ATRNL1: variants seen among roughly 807,000 people sequenced by gnomAD.
ATRNL1 encodes attractin-like protein 1.
A neutral mutation model predicts 182.7 loss-of-function variants in ATRNL1; 95 were observed. The ratio of observed to expected loss-of-function variants is 0.52; its 90% CI spans 0.44 to 0.62. The LOEUF (loss-of-function observed/expected upper bound fraction) is 0.62. ATRNL1 is among the 20% of genes least tolerant of loss of function. The pLI is 0.00. For missense variants in ATRNL1, 1,471 were observed against 1,679.5 expected, an observed-to-expected ratio of 0.88 and a Z score of 2.17; for synonymous variants, 576 against 568.3, an observed-to-expected ratio of 1.01 and a Z score of -0.19.
At chr10:115,209,681 A>T (rs1848945669) in intron 8 of ATRNL1, among the ~76,000 whole-genome samples, 1 of 151,882 alleles carries the variant, frequency 6.6e-6, no homozygotes, top group African/African-American at 2.4e-5. Context: ...AATTGAAAAA[A>T]AATTCACGCA....
intron 5 of ATRNL1, among the ~76,000 whole-genome samples, chr10:115,151,404 G>C (rs1387840469): frequency 6.6e-6 from 1 of 152,122 alleles, no homozygotes; most frequent in East Asian, 1.9e-4. Context: ...ACTTTTTAAT[G>C]ATCGCCATTC....
intron 15 of ATRNL1, among the ~76,000 whole-genome samples, chr10:115,297,247 G>C (rs997483137): frequency 6.6e-6 from 1 of 152,174 alleles, no homozygotes; most frequent in African/African-American, 2.4e-5. Flanking sequence ...AGGTGTATTT[G>C]TAAAGTATTA....
At chr10:115,521,401 C>T (rs2133707537) in intron 25 of ATRNL1, among the ~76,000 whole-genome samples, 1 of 152,216 alleles carries the variant, frequency 6.6e-6, no homozygotes, top group Middle Eastern at 3.4e-3. Flanking sequence ...GATCTGCCCA[C>T]CTCGGCCTCC....
intron 28 of ATRNL1, among the ~76,000 whole-genome samples, chr10:115,861,864 G>T (rs782272199): frequency 6.6e-6 from 1 of 152,050 alleles, no homozygotes; most frequent in African/African-American, 2.4e-5. Flanking sequence ...AGTGCTTTGA[G>T]AGGCCAAGGT....
chr10:115,133,357 G>A (rs368832925), intron 5 of ATRNL1, among the ~76,000 whole-genome samples: 32 of 151,692 alleles, frequency 2.1e-4, no homozygotes, highest in African/African-American at 3.9e-4. Flanking sequence ...GTTTGAAGTC[G>A]GGTAGCAAAT....
chr10:115,578,532 A>T (rs1854868793), intron 26 of ATRNL1, among the ~76,000 whole-genome samples: 1 of 151,558 alleles, frequency 6.6e-6, no homozygotes, highest in Non-Finnish European at 1.5e-5. Context: ...ATTTCTTGGC[A>T]TGTAATTGTT....
chr10:115,148,877 G>A lies in ATRNL1; in HGVS notation c.830-11163G>A, dbSNP rs1592168709. ...TGATTCTCCTGTCTCAGCCTCCTGA[G>A]TAGCTGGGACTACAGGTGTGCGCCA... On this transcript the variant is annotated intron_variant, in intron 5 of 28. Transcript: ENST00000355044. Among the ~76,000 whole-genome samples, 10 of 151,682 alleles carry A rather than the reference G, an allele frequency of 6.6e-5. 3 individuals are homozygous for A. Among genetic ancestry groups the A allele is most frequent in the Admixed American group, 6.6e-4 (10 of 15,228 alleles).
In ATRNL1 at chr10:115,852,059, G is replaced by A. The variant is rs1589604840; in HGVS notation, c.4018+4068G>A. Among the ~76,000 whole-genome samples, 4 of 152,266 alleles carry A rather than the reference G, an allele frequency of 2.6e-5. No homozygotes were observed. The East Asian group carries it at 5.8e-4, about 22-fold the overall frequency. On this transcript the variant is annotated intron_variant, in intron 28 of 28. Coordinates refer to ENST00000355044, the MANE Select transcript of ATRNL1 (RefSeq NM_207303.4). ...ATAATGATTGCTGTCACTTTGTGATGGAAGATTATGGATTTCATAATTTGT... is the reference window on the plus strand; with the variant it reads ...ATAATGATTGCTGTCACTTTGTGATAGAAGATTATGGATTTCATAATTTGT...
chr10:115,539,740 G>A (rs1476238152), intron 25 of ATRNL1, among the ~76,000 whole-genome samples: 4 of 152,170 alleles, frequency 2.6e-5, no homozygotes, highest in Admixed American at 6.5e-5. Context: ...CTCACAGTGG[G>A]AAGCAGTAAG....
intron 26 of ATRNL1, among the ~76,000 whole-genome samples, chr10:115,563,594 A>T (rs928974796): frequency 6.6e-6 from 1 of 152,178 alleles, no homozygotes; most frequent in African/African-American, 2.4e-5. Context: ...ATTTAAGGAA[A>T]AAAAAGCTTT....
chr10:115,297,925 T>C (rs1236485365), intron 15 of ATRNL1, among the ~76,000 whole-genome samples: 1 of 152,174 alleles, frequency 6.6e-6, no homozygotes, highest in Non-Finnish European at 1.5e-5. Flanking sequence ...TAAATAATAA[T>C]GATTGAACTA....
chr10:115,411,266 A>C (rs1329312695), intron 20 of ATRNL1, among the ~76,000 whole-genome samples: 1 of 150,532 alleles, frequency 6.6e-6, no homozygotes, highest in African/African-American at 2.4e-5. Flanking sequence ...TATTTAAATA[A>C]ATTAAATATT....
chr10:115,168,090 A>G (rs1337102441), intron 7 of ATRNL1, among the ~76,000 whole-genome samples: 3 of 152,134 alleles, frequency 2.0e-5, no homozygotes, highest in Non-Finnish European at 4.4e-5. Context: ...TATACTATGT[A>G]TGTTATGACT....
chr10:115,561,690 G>GT (rs1853734733), intron 26 of ATRNL1, among the ~76,000 whole-genome samples: 3 of 50,444 alleles, frequency 5.9e-5, no homozygotes, highest in African/African-American at 1.4e-4. Flanking sequence ...TGTGTGTGTG[G>GT]GTGTGTGTGT....
intron 28 of ATRNL1, among the ~76,000 whole-genome samples, chr10:115,907,912 A>G (rs953964884): frequency 6.6e-6 from 1 of 152,192 alleles, no homozygotes; most frequent in Non-Finnish European, 1.5e-5. Context: ...CACACTAGCT[A>G]TACTGAATAA....
intron 8 of ATRNL1, among the ~76,000 whole-genome samples, chr10:115,205,951 C>T (rs989154201): frequency 1.3e-5 from 2 of 152,044 alleles, no homozygotes; most frequent in Non-Finnish European, 2.9e-5. Context: ...TTGCCTTCTG[C>T]TTCATATCCC....
intron 26 of ATRNL1, among the ~76,000 whole-genome samples, chr10:115,591,436 G>A (rs2769408): frequency 0.48 from 72,438 of 151,996 alleles, 18,731 homozygotes; most frequent in East Asian, 0.84. Context: ...AAATCCTCTC[G>A]GAGAAGATGG....
At chr10:115,598,348 A>ATTTATTTATTT (rs1565201465) in intron 26 of ATRNL1, among the ~76,000 whole-genome samples, 12 of 34,040 alleles carry the variant, frequency 3.5e-4, no homozygotes, top group South Asian at 1.5e-3. Context: ...TTATTTAAAA[A>ATTTATTTATTT]AATTATTTAT....
intron 20 of ATRNL1, among the ~76,000 whole-genome samples, chr10:115,404,815 CTT>C (rs11408585): frequency 6.6e-5 from 9 of 136,602 alleles, no homozygotes; most frequent in Admixed American, 7.3e-5. Context: ...AACCTCCCAG[CTT>C]TTTTTTTTTT....
Sources: gnomAD v4.1 joint callset for allele counts (sites outside exome capture counted in the v4.1 genomes callset) on GRCh38, gnomAD v4.1.1 for gene constraint, MANE v1.5 for transcripts, NCBI Gene and HGNC (gene_info 2026-07-23, HGNC 2026-07-21) for gene names.